KCMF1: variants seen among roughly 807,000 people sequenced by gnomAD.
KCMF1 encodes the protein potassium channel modulatory factor 1, also known as E3 ubiquitin-protein ligase KCMF1.
A neutral mutation model predicts 41.1 loss-of-function variants in KCMF1; 3 were observed. The observed-to-expected ratio is 0.07, with a 90% confidence interval of 0.03 to 0.19. KCMF1 has a LOEUF of 0.19. Among genes scored for constraint, KCMF1 ranks in the 10% least tolerant of loss-of-function variants. The pLI is 1.00. For synonymous variants in KCMF1, 142 were observed against 164.5 expected, an observed-to-expected ratio of 0.86 and a Z score of 1.04; for missense variants, 286 against 488.9, an observed-to-expected ratio of 0.58 and a Z score of 3.91.
intron 1 of KCMF1, among the ~76,000 whole-genome samples, chr2:84,975,375 G>A (rs542216839): frequency 3.3e-4 from 51 of 152,262 alleles, no homozygotes; most frequent in African/African-American, 1.2e-3. Context: ...CAGTCAGCTT[G>A]GGATTCCGTC....
intron 1 of KCMF1, among the ~76,000 whole-genome samples, chr2:85,009,433 G>A (rs1674601962): frequency 6.6e-6 from 1 of 152,184 alleles, no homozygotes; most frequent in Non-Finnish European, 1.5e-5. Context: ...CAGGAAATTG[G>A]TGCCAAGAAA....
rs556910259 is a variant in KCMF1, at chr2:85,054,681, G to C, written c.*1272G>C. The C allele has an allele frequency of 6.6e-6, 1 of 152,300 alleles. No homozygotes were observed. The highest frequency in any genetic ancestry group is 6.5e-5 in the Admixed American group (1 of 15,288). The allele number at this position is 152,300 out of a possible 1,614,324, so 9.4% of individuals were successfully genotyped here. On this transcript the variant is annotated 3_prime_UTR_variant, in exon 7 of 7. Transcript: ENST00000409785. ...CAAGGCAGGGACAGCGGGTTTGGGGGTTGGGAGGGCAGTTTTTGGAATGTA... is the reference window on the plus strand; with the variant it reads ...CAAGGCAGGGACAGCGGGTTTGGGGCTTGGGAGGGCAGTTTTTGGAATGTA...
chr2:85,039,091 A>G (rs1480287137), intron 3 of KCMF1, among the ~76,000 whole-genome samples: 1 of 152,204 alleles, frequency 6.6e-6, no homozygotes, highest in Admixed American at 6.5e-5. Context: ...AACTATGCTC[A>G]TTTCTTGATA....
chr2:85,007,119 A>AG (rs1157513614), intron 1 of KCMF1, among the ~76,000 whole-genome samples: 2 of 151,832 alleles, frequency 1.3e-5, no homozygotes, highest in African/African-American at 4.8e-5. Context: ...AAAAAAAAAA[A>AG]AAAGAAATAG....
At chr2:84,999,628 T>C (rs1478635046) in intron 1 of KCMF1, among the ~76,000 whole-genome samples, 1 of 152,230 alleles carries the variant, frequency 6.6e-6, no homozygotes, top group Non-Finnish European at 1.5e-5. Context: ...ACTTTCATTT[T>C]CCTATACTAT....
At position 85,058,736 on chromosome 2, in the gene KCMF1, T is replaced by G. The variant is rs1209506338; in HGVS notation, c.*5327T>G. On this transcript the variant is annotated 3_prime_UTR_variant, in exon 7 of 7. Coordinates refer to ENST00000409785, the MANE Select transcript of KCMF1 (RefSeq NM_020122.5). ...TACACAATTGAAACGTTTTCAAAGG[T>G]CATCAAGCCGGTTGCGTTTGGTCAG... The G allele has an allele frequency of 6.6e-6, 1 of 152,192 alleles. No homozygotes were observed. The highest frequency in any genetic ancestry group is 1.5e-5 in the Non-Finnish European group (1 of 68,038). The allele number at this position is 152,192 out of a possible 1,614,324, so 9.4% of individuals were successfully genotyped here.
chr2:84,999,193 C>G (rs1674268618), intron 1 of KCMF1, among the ~76,000 whole-genome samples: 1 of 152,058 alleles, frequency 6.6e-6, no homozygotes, highest in African/African-American at 2.4e-5. Flanking sequence ...CTCTGTCGCC[C>G]AGGCTGGAGT....
chr2:85,005,021 C>G (rs1356366760), intron 1 of KCMF1, among the ~76,000 whole-genome samples: 1 of 152,020 alleles, frequency 6.6e-6, no homozygotes, highest in Middle Eastern at 3.2e-3. Flanking sequence ...ATTCTTCTGC[C>G]TCAGCCTCCC....
At chr2:85,053,104 ATTGACTTT>A in intron 6 of KCMF1, 36 bp from the exon 7 acceptor site, 1 of 1,547,712 alleles carries the variant, frequency 6.5e-7, no homozygotes, top group Non-Finnish European at 8.7e-7. Context: ...GCCATTGTTC[ATTGACTTT>A]TTAACAATAA....
intron 1 of KCMF1, among the ~76,000 whole-genome samples, chr2:85,026,736 C>T (rs1675117708): frequency 1.3e-5 from 2 of 152,132 alleles, no homozygotes; most frequent in African/African-American, 4.8e-5. Flanking sequence ...CATCCCCCTG[C>T]CTCGCCTTGC....
intron 1 of KCMF1, among the ~76,000 whole-genome samples, chr2:85,000,733 GT>G (rs112621040): frequency 0.017 from 2,520 of 149,746 alleles, 58 homozygotes; most frequent in African/African-American, 0.058. Context: ...CTGTGTTAAG[GT>G]TAAAAAATTG....
chr2:85,037,071 A>G (rs940563711), intron 3 of KCMF1, among the ~76,000 whole-genome samples: 24 of 151,540 alleles, frequency 1.6e-4, no homozygotes, highest in African/African-American at 5.8e-4. Flanking sequence ...CAGTTTGAAA[A>G]TTAAATACCC....
chr2:84,986,886 AAAAG>A (rs1472165050), intron 1 of KCMF1, among the ~76,000 whole-genome samples: 7 of 152,156 alleles, frequency 4.6e-5, no homozygotes, highest in Non-Finnish European at 4.4e-5. Flanking sequence ...CGTCTCAAAA[AAAAG>A]AAAGAAAGGT....
intron 1 of KCMF1, among the ~76,000 whole-genome samples, chr2:84,977,466 G>C (rs927628384): frequency 6.6e-6 from 1 of 152,104 alleles, no homozygotes. Context: ...CAGGGTCTCT[G>C]TCGCCCATGC....
intron 1 of KCMF1, among the ~76,000 whole-genome samples, chr2:85,008,328 A>AATATATATC (rs1426950099): frequency 2.1e-5 from 2 of 94,368 alleles, no homozygotes; most frequent in South Asian, 2.9e-4. Context: ...TATCATATAT[A>AATATATATC]ATATATAATA....
intron 1 of KCMF1, among the ~76,000 whole-genome samples, chr2:85,022,319 C>G (rs1380514527): frequency 6.6e-6 from 1 of 151,854 alleles, no homozygotes; most frequent in Non-Finnish European, 1.5e-5. Context: ...AAAAAAAATA[C>G]AAAAATTATG....
At chr2:85,000,773 CTTTTTTT>C (rs1234800307) in intron 1 of KCMF1, among the ~76,000 whole-genome samples, 1 of 118,622 alleles carries the variant, frequency 8.4e-6, no homozygotes, top group African/African-American at 3.1e-5. Flanking sequence ...GATAATTTTA[CTTTTTTT>C]TTTTTTTTTT....
intron 1 of KCMF1, among the ~76,000 whole-genome samples, chr2:85,003,470 TCC>T: frequency 6.6e-6 from 1 of 151,268 alleles, no homozygotes; most frequent in Non-Finnish European, 1.5e-5. Flanking sequence ...AGAGTGAGAC[TCC>T]GTCTCAAAAA....
chr2:85,017,012 C>CTTTT (rs768880385), intron 1 of KCMF1, among the ~76,000 whole-genome samples: 233 of 99,530 alleles, frequency 2.3e-3, no homozygotes, highest in Admixed American at 3.5e-3. Context: ...AGATCCTCTT[C>CTTTT]TTTTTTTTTT....
Sources: allele counts gnomAD v4.1 joint callset (sites outside exome capture counted in the v4.1 genomes callset), GRCh38; gene constraint gnomAD v4.1.1; transcripts MANE v1.5; gene names NCBI Gene and HGNC (gene_info 2026-07-23, HGNC 2026-07-21).